The following NAP1L4 variants were observed in gnomAD, a reference collection of about 807,000 sequenced individuals.
NAP1L4 encodes the protein nucleosome assembly protein 1-like 4.
Under a neutral mutation model 58.2 loss-of-function variants are expected in NAP1L4, and 15 were observed. That is an observed-to-expected ratio of 0.26 (90% CI 0.17 to 0.40). NAP1L4 has a LOEUF of 0.40. NAP1L4 is among the 10% of genes least tolerant of loss of function. The probability of loss-of-function intolerance (pLI) is 1.00; values close to 1 mark genes in which losing one functional copy is unlikely to be tolerated. For synonymous variants in NAP1L4, 171 were observed against 155.6 expected, an observed-to-expected ratio of 1.10 and a Z score of -0.74; for missense variants, 384 against 451.1, an observed-to-expected ratio of 0.85 and a Z score of 1.35.
intron 7 of NAP1L4, among the ~76,000 whole-genome samples, chr11:2,966,057 C>T (rs1236453651): frequency 3.3e-5 from 5 of 152,218 alleles, no homozygotes; most frequent in African/African-American, 4.8e-5. Context: ...CTCAGAAACA[C>T]GCACTGGCAG....
chr11:2,945,585 T>G lies in NAP1L4; in HGVS notation c.*94A>C, dbSNP rs746059019. 4.3e-5 allele frequency: 66 copies of G among 1,535,454 alleles called. 1 individual carries two copies. The South Asian group carries it at 7.6e-4, about 18-fold the overall frequency. ...AGGCCTGGAGTCCCGACAGCCGGTC[T>G]GCCAGGCACCCGCCTCCGCTTCCTA... On this transcript the variant is annotated 3_prime_UTR_variant, in exon 16 of 16. Transcript: ENST00000380542.
Position 2,969,875 on chromosome 11 carries a change from T to C in NAP1L4, c.462A>G (p.Pro154=). Residue 154 remains proline (P), a synonymous_variant, in exon 7 of 16, where the codon CCA becomes CCG. Transcript: ENST00000380542. ...AGAACTCTGGAATTCCTTTGGGATC[T>C]GGCTCTTCAGCCGTTGCCGCTGCTT... The part of the protein sequence containing the change: ...TEKAAATAEE[P]DPKGIPEFWF... 6.2e-7 allele frequency: 1 copy of C among 1,613,926 alleles called. No homozygotes were observed. The highest frequency in any genetic ancestry group is 8.5e-7 in the Non-Finnish European group (1 of 1,179,842).
intron 4 of NAP1L4, 138 bp downstream of exon 4, chr11:2,975,886 C>G: frequency 1.4e-6 from 1 of 731,494 alleles, no homozygotes; most frequent in South Asian, 1.9e-5. Flanking sequence ...TCTCATATCC[C>G]AGTGCCTGTC....
intron 1 of NAP1L4, among the ~76,000 whole-genome samples, chr11:2,980,673 A>G (rs1294399791): frequency 6.6e-6 from 1 of 152,172 alleles, no homozygotes; most frequent in African/African-American, 2.4e-5. Flanking sequence ...TTCATTCTTC[A>G]GTACCTGAGC....
At position 2,978,347 on chromosome 11, in the gene NAP1L4, A is replaced by C; in HGVS notation, c.15-5T>G. The stretch of plus-strand genomic sequence containing the variant: ...GAAGGAACCCCATCTGAAAAACTAA[A>C]ACAACAGTATGTTTAAAAAGTATTA... On this transcript the variant is annotated splice_region_variant and splice_polypyrimidine_tract_variant and intron_variant, in intron 2 of 15. Transcript: ENST00000380542. The C allele has an allele frequency of 6.2e-7, 1 of 1,613,572 alleles. No individual in the cohort carries two copies. The highest frequency in any genetic ancestry group is 8.5e-7 in the Non-Finnish European group (1 of 1,179,640).
At chr11:2,975,223 TAGA>T (rs1175415194) in intron 4 of NAP1L4, among the ~76,000 whole-genome samples, 3 of 150,424 alleles carry the variant, frequency 2.0e-5, no homozygotes, top group East Asian at 2.0e-4. Flanking sequence ...GAGGCTGAGG[TAGA>T]AGGATTACTT....
intron 4 of NAP1L4, 85 bp from the exon 5 acceptor site, chr11:2,972,328 G>A (rs751334083): frequency 7.1e-5 from 91 of 1,282,966 alleles, no homozygotes; most frequent in Non-Finnish European, 9.2e-5. Context: ...ATAAATTTAG[G>A]TTAACATGGA....
intron 7 of NAP1L4, 43 bp from the exon 8 acceptor site, chr11:2,964,794 A>C: frequency 7.0e-7 from 1 of 1,430,920 alleles, no homozygotes; most frequent in Non-Finnish European, 9.8e-7. Context: ...CTTTTAAAAA[A>C]ACAACACATC....
At chr11:2,987,937 CT>C (rs1848741922) in intron 1 of NAP1L4, 1 of 152,156 alleles carries the variant, frequency 6.6e-6, no homozygotes, top group Admixed American at 6.5e-5. Flanking sequence ...CAAATGACAA[CT>C]TGTCTCTGTG....
In NAP1L4 at chr11:2,963,767, C is replaced by T. The variant is rs748789286; in HGVS notation, c.606+913G>A. On this transcript the variant is annotated intron_variant, in intron 8 of 15. Transcript: ENST00000380542. ...GATCCCTAACCCACAGCCCGTCATG[C>T]AGCATTTGTCTCCAAGACCTGAAAC... 9 of 519,216 alleles carry T rather than the reference C, an allele frequency of 1.7e-5. No individual in the cohort carries two copies. The Admixed American group carries it at 1.7e-4, about 10-fold the overall frequency. 32.2% of individuals were successfully genotyped at this position (519,216 alleles called of 1,614,324 possible).
intron 10 of NAP1L4, among the ~76,000 whole-genome samples, chr11:2,956,019 T>C (rs1846519333): frequency 6.6e-6 from 1 of 152,122 alleles, no homozygotes; most frequent in African/African-American, 2.4e-5. Flanking sequence ...GGGCTGGCAC[T>C]CAAGCTTGAG....
intron 8 of NAP1L4, among the ~76,000 whole-genome samples, chr11:2,962,138 T>A (rs866637231): frequency 1.3e-5 from 2 of 152,226 alleles, no homozygotes; most frequent in Middle Eastern, 3.2e-3. Context: ...TAAAGCTTCA[T>A]CTTCTTTGAC....
At chr11:2,964,955 C>T (rs73406366) in intron 7 of NAP1L4, among the ~76,000 whole-genome samples, 15,675 of 152,266 alleles carry the variant, frequency 0.1, 940 homozygotes, top group African/African-American at 0.15. Context: ...AAGGTGTCCC[C>T]TTTCCCTAGT....
intron 10 of NAP1L4, among the ~76,000 whole-genome samples, chr11:2,957,107 G>C (rs935131964): frequency 2.0e-5 from 3 of 151,444 alleles, no homozygotes; most frequent in African/African-American, 7.3e-5. Context: ...ATTCCCTTGA[G>C]TCCATTATCA....
At chr11:2,970,084 C>T (rs548480684) in intron 6 of NAP1L4, 150 bp from the exon 7 acceptor site, 10 of 694,532 alleles carry the variant, frequency 1.4e-5, no homozygotes, top group African/African-American at 1.1e-4. Flanking sequence ...CACTGGGCCA[C>T]GCGACACTTT....
Position 2,954,484 on chromosome 11 carries a change from G to C in NAP1L4, c.1035+43C>G, listed in dbSNP as rs764320107. On this transcript the variant is annotated intron_variant, in intron 12 of 15. Transcript: ENST00000380542. This position sits in a 1 kb window ranked among gnomAD's most constrained non-coding sequence, Gnocchi z 4.8. Reference sequence around the variant, plus strand: ...TTCAGGGCCACTCTGCACCAACAGAGATAAGCACCCAGGTGGAAGCCCCCC... The same window carrying C: ...TTCAGGGCCACTCTGCACCAACAGACATAAGCACCCAGGTGGAAGCCCCCC... 1.2e-6 allele frequency: 2 copies of C among 1,612,698 alleles called. No individual in the cohort carries two copies. The highest frequency in any genetic ancestry group is 1.7e-6 in the Non-Finnish European group (2 of 1,178,806).
Position 2,959,915 on chromosome 11 carries a change from A to C in NAP1L4, c.607-6T>G. 1.2e-6 allele frequency: 2 copies of C among 1,613,884 alleles called. No homozygotes were observed. Among genetic ancestry groups the C allele is most frequent in the Non-Finnish European group, 8.5e-7 (1 of 1,179,862 alleles). On this transcript the variant is annotated splice_polypyrimidine_tract_variant and splice_region_variant and intron_variant, in intron 8 of 15. Transcript: ENST00000380542. The surrounding 1 kb of genome is among the most constrained non-coding windows in gnomAD (Gnocchi z 4.9). The stretch of plus-strand genomic sequence containing the variant: ...TGGAACTCTAACACAAAAGACTAAA[A>C]GTAGAAATTCAGAGTAAGCACCAGT...
chr11:2,966,464 T>C (rs1306907268), intron 7 of NAP1L4, among the ~76,000 whole-genome samples: 1 of 152,202 alleles, frequency 6.6e-6, no homozygotes, highest in Non-Finnish European at 1.5e-5. Flanking sequence ...TTAGCCTTTA[T>C]CAACAATTCT....
Position 2,949,520 on chromosome 11 carries a change from C to T in NAP1L4, c.1123-256G>A, listed in dbSNP as rs1418063745. Among the ~76,000 whole-genome samples, 3 of 152,220 alleles carry T rather than the reference C, an allele frequency of 2.0e-5. No individual in the cohort carries two copies. Among genetic ancestry groups the T allele is most frequent in the Admixed American group, 1.3e-4 (2 of 15,284 alleles). ...TCTTTTGCTTGCACAGACTCTAACA[C>T]TGCCCATCTCTCTGGAAGGTGCATG... On this transcript the variant is annotated intron_variant, in intron 14 of 15. Coordinates refer to ENST00000380542, the MANE Select transcript of NAP1L4 (RefSeq NM_005969.4). The surrounding 1 kb of genome is among the most constrained non-coding windows in gnomAD (Gnocchi z 4.0).
Sources: allele counts gnomAD v4.1 joint callset (sites outside exome capture counted in the v4.1 genomes callset), GRCh38; gene constraint gnomAD v4.1.1; non-coding constraint Gnocchi (gnomAD v3.1); transcripts MANE v1.5; gene names NCBI Gene and HGNC (gene_info 2026-07-23, HGNC 2026-07-21).